Variants in CNTN5 observed in about 807,000 individuals in gnomAD.
The protein encoded by CNTN5 is contactin-5.
In CNTN5, 77 loss-of-function variants were observed where a neutral mutation model predicts 129.1. The ratio of observed to expected loss-of-function variants is 0.60; its 90% CI spans 0.50 to 0.72. The LOEUF is 0.72. CNTN5 is among the 30% of genes least tolerant of loss of function. The pLI, the probability that CNTN5 is intolerant of heterozygous loss-of-function variation, is 0.00. For missense variants in CNTN5, 1,478 were observed against 1,328.8 expected (o/e 1.11, Z -1.75); for synonymous variants, 509 against 465.6 (o/e 1.09, Z -1.20).
chr11:100,264,989 T>C (rs996252000), intron 17 of CNTN5, among the ~76,000 whole-genome samples: 1 of 152,062 alleles, frequency 6.6e-6, no homozygotes, highest in African/African-American at 2.4e-5. Context: ...ATAAGTGATG[T>C]TGTGGGGTTT....
intron 8 of CNTN5, among the ~76,000 whole-genome samples, chr11:99,980,555 G>C (rs1167460705): frequency 6.6e-6 from 1 of 152,190 alleles, no homozygotes; most frequent in Non-Finnish European, 1.5e-5. Context: ...ATTTGCAAAG[G>C]AGGGTCCCTT....
chr11:99,651,452 T>G (rs1006805104), intron 3 of CNTN5, among the ~76,000 whole-genome samples: 1 of 151,986 alleles, frequency 6.6e-6, no homozygotes, highest in Non-Finnish European at 1.5e-5. Flanking sequence ...GTAGGCAATT[T>G]GATCCAAAGC....
chr11:99,156,038 C>T (rs941291244), intron 1 of CNTN5, among the ~76,000 whole-genome samples: 1 of 151,870 alleles, frequency 6.6e-6, no homozygotes, highest in African/African-American at 2.4e-5. Flanking sequence ...AAAAAGTTCT[C>T]AATAACCAAA....
intron 6 of CNTN5, among the ~76,000 whole-genome samples, chr11:99,875,010 G>T (rs1415216832): frequency 6.6e-6 from 1 of 152,148 alleles, no homozygotes; most frequent in Non-Finnish European, 1.5e-5. Context: ...TTGGGAAATG[G>T]TGTTTGAAGA....
chr11:99,055,640 T>G (rs955896463), intron 1 of CNTN5, among the ~76,000 whole-genome samples: 5 of 152,000 alleles, frequency 3.3e-5, no homozygotes, highest in Non-Finnish European at 7.4e-5. Context: ...ATAAGCTGTA[T>G]GGTGTACATT....
chr11:100,336,989 C>A, intron 21 of CNTN5: 1 of 774,280 alleles, frequency 1.3e-6, no homozygotes, highest in Non-Finnish European at 2.3e-6. Context: ...GAGCACAGCA[C>A]ATTGAACCCA....
chr11:100,102,333 T>A (rs926400292), intron 13 of CNTN5, among the ~76,000 whole-genome samples: 3 of 152,134 alleles, frequency 2.0e-5, no homozygotes, highest in African/African-American at 7.2e-5. Flanking sequence ...TGAACATTTT[T>A]AAAAATATTT....
intron 3 of CNTN5, among the ~76,000 whole-genome samples, chr11:99,724,793 A>G (rs1565463616): frequency 1.3e-5 from 2 of 152,316 alleles, no homozygotes; most frequent in East Asian, 3.9e-4. Flanking sequence ...AGACTAAAGG[A>G]GTGAATGTCC....
chr11:99,275,108 T>A (rs1372164555), intron 1 of CNTN5, among the ~76,000 whole-genome samples: 1 of 151,294 alleles, frequency 6.6e-6, no homozygotes, highest in Non-Finnish European at 1.5e-5. Flanking sequence ...TACTTATATA[T>A]AATGAATAAA....
chr11:99,639,754 A>T (rs1951702646), intron 3 of CNTN5, among the ~76,000 whole-genome samples: 1 of 151,672 alleles, frequency 6.6e-6, no homozygotes. Context: ...AGTGGAGATG[A>T]GGTTTCACCA....
intron 1 of CNTN5, among the ~76,000 whole-genome samples, chr11:99,152,439 G>A (rs1385894901): frequency 2.6e-5 from 4 of 152,078 alleles, no homozygotes; most frequent in African/African-American, 9.7e-5. Flanking sequence ...TTTCAAGCCT[G>A]TTTTGTCTGA....
At chr11:100,029,556 C>T (rs1433525010) in intron 9 of CNTN5, among the ~76,000 whole-genome samples, 1 of 151,752 alleles carries the variant, frequency 6.6e-6, no homozygotes, top group African/African-American at 2.4e-5. Flanking sequence ...GAACTCCAGC[C>T]TGGGCAACAG....
At chr11:99,311,964 A>T (rs1865132685) in intron 1 of CNTN5, among the ~76,000 whole-genome samples, 1 of 152,108 alleles carries the variant, frequency 6.6e-6, no homozygotes. Context: ...CTCCTAAGCT[A>T]CTACCTCTGA....
intron 1 of CNTN5, among the ~76,000 whole-genome samples, chr11:99,118,716 A>G (rs1007320932): frequency 6.6e-6 from 1 of 152,146 alleles, no homozygotes; most frequent in Admixed American, 6.6e-5. Context: ...AACACATAGA[A>G]GTAAATTATA....
intron 9 of CNTN5, among the ~76,000 whole-genome samples, chr11:100,003,072 CAGCT>C (rs1939976923): frequency 6.6e-6 from 1 of 152,154 alleles, no homozygotes; most frequent in East Asian, 1.9e-4. Context: ...GACAAAAAAT[CAGCT>C]AGCTAAGGTA....
chr11:100,340,952 T>C (rs528688544), intron 22 of CNTN5, 141 bp from the exon 23 acceptor site: 5 of 674,422 alleles, frequency 7.4e-6, no homozygotes, highest in Middle Eastern at 3.2e-4. Context: ...AAAACCCTCC[T>C]TATCTGACTC....
intron 12 of CNTN5, among the ~76,000 whole-genome samples, chr11:100,073,088 TC>T (rs1943993810): frequency 6.7e-6 from 1 of 149,782 alleles, no homozygotes; most frequent in South Asian, 2.2e-4. Flanking sequence ...TCACTGTCGC[TC>T]AGGCTGGAGT....
At chr11:99,667,582 A>C (rs1466642550) in intron 3 of CNTN5, among the ~76,000 whole-genome samples, 1 of 152,182 alleles carries the variant, frequency 6.6e-6, no homozygotes, top group Non-Finnish European at 1.5e-5. Flanking sequence ...ATAAATTTCA[A>C]AGCTATTAAA....
chr11:99,283,520 A>C (rs1453021073), intron 1 of CNTN5, among the ~76,000 whole-genome samples: 1 of 152,148 alleles, frequency 6.6e-6, no homozygotes, highest in Non-Finnish European at 1.5e-5. Flanking sequence ...AAAGAGAATC[A>C]TTCAGTCCAC....
Sources: allele counts gnomAD v4.1 joint callset (sites outside exome capture counted in the v4.1 genomes callset), GRCh38; gene constraint gnomAD v4.1.1; transcripts MANE v1.5; gene names NCBI Gene and HGNC (gene_info 2026-07-23, HGNC 2026-07-21).